The following PLCB1 variants were observed in gnomAD, a reference collection of about 807,000 sequenced individuals.
The protein encoded by PLCB1 is 1-phosphatidylinositol 4,5-bisphosphate phosphodiesterase beta-1.
PLCB1 carries 46 observed loss-of-function variants against 161.8 expected under a neutral mutation model. The observed-to-expected ratio is 0.28, with a 90% CI of 0.22 to 0.36. The LOEUF is 0.36. PLCB1 is among the 10% of genes least tolerant of loss of function. The pLI, the probability that PLCB1 is intolerant of heterozygous loss-of-function variation, is 1.00. For synonymous variants in PLCB1, 517 were observed against 503.7 expected, an observed-to-expected ratio of 1.03 and a Z score of -0.35; for missense variants, 1,016 against 1,472.5, an observed-to-expected ratio of 0.69 and a Z score of 5.07.
intron 12 of PLCB1, among the ~76,000 whole-genome samples, chr20:8,715,359 C>A (rs181406793): frequency 1.3e-5 from 2 of 152,250 alleles, no homozygotes; most frequent in African/African-American, 2.4e-5. Flanking sequence ...AGCTGGCGGA[C>A]GCCGCCTTGT....
chr20:8,477,793 C>T (rs1051420909), intron 3 of PLCB1, among the ~76,000 whole-genome samples: 2 of 152,196 alleles, frequency 1.3e-5, no homozygotes, highest in Non-Finnish European at 2.9e-5. Flanking sequence ...GCGATGGCGC[C>T]AAGACAGTCA....
chr20:8,755,770 A>G (rs1981704579), intron 23 of PLCB1, among the ~76,000 whole-genome samples: 3 of 152,242 alleles, frequency 2.0e-5, no homozygotes, highest in South Asian at 4.1e-4. Context: ...AGAATAGGGC[A>G]TACTAAATTA....
chr20:8,546,325 A>G (rs1295542115), intron 3 of PLCB1, among the ~76,000 whole-genome samples: 3 of 74,726 alleles, frequency 4.0e-5, no homozygotes, highest in East Asian at 3.9e-4. Flanking sequence ...AAAAAAAAAA[A>G]AAAAAAAAAA....
At chr20:8,631,832 T>G (rs1469064612) in intron 4 of PLCB1, among the ~76,000 whole-genome samples, 1 of 152,180 alleles carries the variant, frequency 6.6e-6, no homozygotes, top group Non-Finnish European at 1.5e-5. Flanking sequence ...ATCTTTTGGA[T>G]GTCTCCAGGT....
At chr20:8,311,578 T>C (rs1020229913) in intron 2 of PLCB1, among the ~76,000 whole-genome samples, 1 of 152,212 alleles carries the variant, frequency 6.6e-6, no homozygotes, top group African/African-American at 2.4e-5. Context: ...AAAATCTTGT[T>C]TCTCAGGGTG....
intron 2 of PLCB1, among the ~76,000 whole-genome samples, chr20:8,352,115 A>G (rs1015387177): frequency 3.3e-5 from 5 of 152,162 alleles, no homozygotes; most frequent in African/African-American, 9.6e-5. Context: ...GTGGACAGAC[A>G]AACTGTGATA....
At chr20:8,693,132 A>C (rs1990516082) in intron 10 of PLCB1, among the ~76,000 whole-genome samples, 1 of 152,226 alleles carries the variant, frequency 6.6e-6, no homozygotes, top group South Asian at 2.1e-4. Context: ...CTGGATGGTA[A>C]GGGTAAAGGA....
At chr20:8,852,835 A>G (rs1434025749) in intron 31 of PLCB1, among the ~76,000 whole-genome samples, 1 of 152,238 alleles carries the variant, frequency 6.6e-6, no homozygotes, top group Non-Finnish European at 1.5e-5. Context: ...AGCACAGTAT[A>G]CCAGAATGAT....
chr20:8,809,916 C>T (rs1004305720), intron 31 of PLCB1, among the ~76,000 whole-genome samples: 4 of 152,094 alleles, frequency 2.6e-5, no homozygotes, highest in African/African-American at 7.2e-5. Context: ...CTAAAATTGC[C>T]TCAGCTGTAA....
At chr20:8,275,655 G>T (rs548744040) in intron 2 of PLCB1, among the ~76,000 whole-genome samples, 1 of 152,098 alleles carries the variant, frequency 6.6e-6, no homozygotes, top group Non-Finnish European at 1.5e-5. Context: ...TAACTGTTTT[G>T]CCCATGTTTA....
At chr20:8,539,393 T>C (rs1386394534) in intron 3 of PLCB1, among the ~76,000 whole-genome samples, 1 of 152,190 alleles carries the variant, frequency 6.6e-6, no homozygotes, top group Non-Finnish European at 1.5e-5. Context: ...CCTGAACATA[T>C]TCATTCATTC....
intron 2 of PLCB1, among the ~76,000 whole-genome samples, chr20:8,214,699 A>T (rs1979025491): frequency 1.3e-5 from 2 of 151,992 alleles, no homozygotes; most frequent in East Asian, 3.9e-4. Context: ...TTATTTCAAG[A>T]CCTAATGTCA....
chr20:8,247,855 T>C (rs1321932922), intron 2 of PLCB1, among the ~76,000 whole-genome samples: 1 of 151,946 alleles, frequency 6.6e-6, no homozygotes, highest in Non-Finnish European at 1.5e-5. Flanking sequence ...AGTGTCCAGA[T>C]TGCACCTATA....
intron 3 of PLCB1, among the ~76,000 whole-genome samples, chr20:8,395,819 T>A (rs184068809): frequency 0.023 from 3,468 of 147,938 alleles, 126 homozygotes; most frequent in African/African-American, 0.077. Flanking sequence ...TTTCCCATTT[T>A]AAAAAAAAAA....
chr20:8,679,284 A>G (rs1990159528), intron 9 of PLCB1, among the ~76,000 whole-genome samples: 1 of 152,198 alleles, frequency 6.6e-6, no homozygotes, highest in South Asian at 2.1e-4. Flanking sequence ...GCTAATAGAT[A>G]AAGGGATCCG....
At chr20:8,151,782 C>T (rs1050225659) in intron 2 of PLCB1, among the ~76,000 whole-genome samples, 12 of 151,998 alleles carry the variant, frequency 7.9e-5, no homozygotes, top group African/African-American at 1.9e-4. Context: ...GGTATTTGTA[C>T]GAGAGACCAA....
intron 2 of PLCB1, among the ~76,000 whole-genome samples, chr20:8,269,361 T>C (rs2743178): frequency 0.012 from 1,877 of 152,266 alleles, 30 homozygotes; most frequent in African/African-American, 0.042. Flanking sequence ...TGTGTTAGTT[T>C]GCTCAACTTG....
At position 8,371,536 on chromosome 20, in the gene PLCB1, AG is replaced by A; in HGVS notation, c.246+87del. The A allele has an allele frequency of 4.5e-6, 4 of 895,248 alleles. No homozygotes were observed. The East Asian group carries it at 9.8e-5, about 22-fold the overall frequency. 55.5% of individuals were successfully genotyped at this position (895,248 alleles called of 1,614,324 possible). On this transcript the variant is annotated intron_variant, in intron 3 of 31. Transcript: ENST00000338037. Reference sequence around the variant, plus strand: ...ATATCAATTAATTGCCCCAATTAAAAGTTTCTATGTTATAGATGTTGTAAAA... The same window carrying A: ...ATATCAATTAATTGCCCCAATTAAAATTTCTATGTTATAGATGTTGTAAAA...
At chr20:8,555,319 A>C (rs1484099819) in intron 3 of PLCB1, among the ~76,000 whole-genome samples, 1 of 152,014 alleles carries the variant, frequency 6.6e-6, no homozygotes, top group East Asian at 1.9e-4. Flanking sequence ...CAATGATAGG[A>C]GCTTTGAAGT....
Sources: allele counts gnomAD v4.1 joint callset (sites outside exome capture counted in the v4.1 genomes callset), GRCh38; gene constraint gnomAD v4.1.1; transcripts MANE v1.5; gene names NCBI Gene and HGNC (gene_info 2026-07-23, HGNC 2026-07-21).